SPOCK1: variants seen among roughly 807,000 people sequenced by gnomAD.
SPOCK1 encodes SPARC (osteonectin), cwcv and kazal like domains proteoglycan 1.
Under a neutral mutation model 55.3 loss-of-function variants are expected in SPOCK1, and 23 were observed. The observed-to-expected ratio is 0.42, with a 90% CI of 0.30 to 0.59. SPOCK1 has a LOEUF of 0.59. Ranked by LOEUF, SPOCK1 falls within the 20% of genes least tolerant of loss-of-function variation. The pLI is 0.22. For missense variants in SPOCK1, 499 were observed against 552.5 expected (o/e 0.90, Z 0.97); for synonymous variants, 226 against 221.0 (o/e 1.02, Z -0.20).
intron 4 of SPOCK1, among the ~76,000 whole-genome samples, chr5:137,133,262 C>T (rs1035826693): frequency 9.3e-5 from 14 of 151,230 alleles, no homozygotes; most frequent in African/African-American, 2.4e-4. Context: ...CCCAGCTACT[C>T]GGGAGGCTGA....
At chr5:137,242,615 G>T (rs534524766) in intron 3 of SPOCK1, among the ~76,000 whole-genome samples, 2 of 152,320 alleles carry the variant, frequency 1.3e-5, no homozygotes, top group South Asian at 4.1e-4. Context: ...ATGTACGCCT[G>T]TAGTCCCAGC....
chr5:137,092,993 T>C (rs1003928894), intron 5 of SPOCK1, among the ~76,000 whole-genome samples: 12 of 152,166 alleles, frequency 7.9e-5, no homozygotes, highest in African/African-American at 2.7e-4. Context: ...CTCTTCCTCT[T>C]CTTATAAAGC....
rs1233903928 is a variant in SPOCK1 at position 137,420,235 on chromosome 5, A to C, written c.186+78138T>G. Among the ~76,000 whole-genome samples the C allele has an allele frequency of 5.3e-5, 8 of 152,304 alleles. No homozygotes were observed. The South Asian group carries it at 1.7e-3, about 32-fold the overall frequency. On this transcript the variant is annotated intron_variant, in intron 2 of 10. Coordinates refer to ENST00000394945, the MANE Select transcript of SPOCK1 (RefSeq NM_004598.4). The stretch of plus-strand genomic sequence containing the variant: ...GAGAATTTTTGCATCAATGTTCATC[A>C]GGGATATTGGTCTAAAATTCTCTTT...
chr5:137,218,041 C>T (rs1407995163), intron 3 of SPOCK1, among the ~76,000 whole-genome samples: 2 of 152,192 alleles, frequency 1.3e-5, no homozygotes, highest in Non-Finnish European at 2.9e-5. Context: ...ACCCTTTCCT[C>T]CCCTAAGGCA....
chr5:137,131,989 A>ATAT (rs1554099249), intron 4 of SPOCK1, among the ~76,000 whole-genome samples: 6 of 36,048 alleles, frequency 1.7e-4, no homozygotes, highest in Admixed American at 4.6e-4. Flanking sequence ...AAAAAAAAAA[A>ATAT]ATATATATAT....
At chr5:137,131,964 T>A (rs757304827) in intron 4 of SPOCK1, among the ~76,000 whole-genome samples, 3 of 46,876 alleles carry the variant, frequency 6.4e-5, no homozygotes, top group East Asian at 6.4e-4. Flanking sequence ...AGAGCGAGAC[T>A]CCGTCTCAAA....
At chr5:137,054,989 A>G (rs1462727468) in intron 6 of SPOCK1, among the ~76,000 whole-genome samples, 1 of 152,200 alleles carries the variant, frequency 6.6e-6, no homozygotes, top group African/African-American at 2.4e-5. Flanking sequence ...TTTCAACCAC[A>G]TGAAATGAAA....
chr5:137,031,868 A>G (rs1487937556), intron 6 of SPOCK1, among the ~76,000 whole-genome samples: 1 of 152,010 alleles, frequency 6.6e-6, no homozygotes, highest in Non-Finnish European at 1.5e-5. Flanking sequence ...GTGTACATAC[A>G]GTTCTAGCTT....
At chr5:137,387,241 C>A (rs1018122145) in intron 2 of SPOCK1, among the ~76,000 whole-genome samples, 1 of 152,198 alleles carries the variant, frequency 6.6e-6, no homozygotes, top group Non-Finnish European at 1.5e-5. Flanking sequence ...TTGGTGGTTT[C>A]TTATATAAGT....
chr5:137,480,303 TCACACA>T (rs6149262), intron 2 of SPOCK1, among the ~76,000 whole-genome samples: 3,225 of 140,130 alleles, frequency 0.023, 46 homozygotes, highest in Middle Eastern at 0.043. Flanking sequence ...TTGCTCTCCT[TCACACA>T]CACACACACA....
chr5:137,464,228 G>A (rs973313867), intron 2 of SPOCK1, among the ~76,000 whole-genome samples: 2 of 152,154 alleles, frequency 1.3e-5, no homozygotes, highest in African/African-American at 4.8e-5. Context: ...CTTGAGCCCA[G>A]GAGGTTGAGG....
At chr5:137,216,165 G>A (rs1378536482) in intron 3 of SPOCK1, among the ~76,000 whole-genome samples, 1 of 152,124 alleles carries the variant, frequency 6.6e-6, no homozygotes, top group South Asian at 2.1e-4. Flanking sequence ...ATGACAGGAG[G>A]GACTCAGACA....
chr5:137,188,815 A>G (rs1182178267), intron 3 of SPOCK1, among the ~76,000 whole-genome samples: 2 of 152,266 alleles, frequency 1.3e-5, no homozygotes, highest in East Asian at 1.9e-4. Context: ...TCTTGTGCCA[A>G]ACATTTAGCC....
chr5:137,143,004 C>T (rs953446978), intron 3 of SPOCK1, among the ~76,000 whole-genome samples: 6 of 152,200 alleles, frequency 3.9e-5, no homozygotes, highest in South Asian at 4.1e-4. Context: ...CATCCAATGG[C>T]GTTTCTGCTG....
In SPOCK1 at chr5:137,136,355, G is replaced by A. The variant is rs142147424; in HGVS notation, c.347+4225C>T. On this transcript the variant is annotated intron_variant, in intron 4 of 10. Coordinates refer to ENST00000394945, the MANE Select transcript of SPOCK1 (RefSeq NM_004598.4). Reference sequence around the variant, plus strand: ...TTCAAGGTTACAGTGAGCTATGATCGCTCCACTGCCCTTCACCCAGATGAT... The same window carrying A: ...TTCAAGGTTACAGTGAGCTATGATCACTCCACTGCCCTTCACCCAGATGAT... 2.6e-5 allele frequency among the ~76,000 whole-genome samples: 4 copies of A among 152,052 alleles called. No homozygotes were observed. In the East Asian group the frequency reaches 5.8e-4, roughly 22 times the overall value.
chr5:137,294,510 C>T (rs1274567825), intron 2 of SPOCK1, among the ~76,000 whole-genome samples: 5 of 152,240 alleles, frequency 3.3e-5, no homozygotes, highest in African/African-American at 4.8e-5. Flanking sequence ...TCACAACACA[C>T]TGCCTCCATG....
chr5:137,457,819 G>T (rs2149836546), intron 2 of SPOCK1, among the ~76,000 whole-genome samples: 1 of 152,260 alleles, frequency 6.6e-6, no homozygotes, highest in Non-Finnish European at 1.5e-5. Flanking sequence ...AGGGGAATTT[G>T]TTCCTCGAAC....
In SPOCK1 at chr5:137,484,463, A is replaced by G. The variant is rs567408384; in HGVS notation, c.186+13910T>C. ...ATCGGGACTCTGATGATCATGCATC[A>G]CCTTACCTGTGCTGGTGCTGATTTA... On this transcript the variant is annotated intron_variant, in intron 2 of 10. Transcript: ENST00000394945. 2.6e-5 allele frequency among the ~76,000 whole-genome samples: 4 copies of G among 152,330 alleles called. No homozygotes were observed. In the South Asian group the frequency reaches 8.3e-4, roughly 32 times the overall value.
intron 4 of SPOCK1, among the ~76,000 whole-genome samples, chr5:137,133,664 C>A (rs1753926199): frequency 6.6e-6 from 1 of 151,956 alleles, no homozygotes; most frequent in Non-Finnish European, 1.5e-5. Context: ...AGGTCCTTAA[C>A]CTGAGCACAG....
Sources: allele counts gnomAD v4.1 joint callset (sites outside exome capture counted in the v4.1 genomes callset), GRCh38; gene constraint gnomAD v4.1.1; transcripts MANE v1.5; gene names NCBI Gene and HGNC (gene_info 2026-07-23, HGNC 2026-07-21).